Variants in ARHGEF7 observed in about 807,000 individuals in gnomAD.
ARHGEF7 encodes PAK-interacting exchange factor beta.
In ARHGEF7, 33 loss-of-function variants were observed where a neutral mutation model predicts 109.8. That is an observed-to-expected ratio of 0.30 (90% CI 0.23 to 0.40). The LOEUF is 0.40. Ranked by LOEUF, ARHGEF7 falls within the 10% of genes least tolerant of loss-of-function variation. The pLI is 1.00. For synonymous variants in ARHGEF7, 458 were observed against 424.6 expected, an observed-to-expected ratio of 1.08 and a Z score of -0.97; for missense variants, 938 against 1,098.5, an observed-to-expected ratio of 0.85 and a Z score of 2.07.
chr13:111,154,108 C>T, intron 2 of ARHGEF7, 117 bp downstream of exon 2: 1 of 1,086,192 alleles, frequency 9.2e-7, no homozygotes, highest in Middle Eastern at 3.1e-4. Flanking sequence ...CCGACCCTCC[C>T]CGGCTGCTCG....
At chr13:111,223,596 A>T (rs1006391774) in intron 5 of ARHGEF7, among the ~76,000 whole-genome samples, 1 of 152,014 alleles carries the variant, frequency 6.6e-6, no homozygotes, top group Non-Finnish European at 1.5e-5. Flanking sequence ...TCGGAGATGG[A>T]ATTGTTCTTG....
At chr13:111,191,764 G>A (rs910839813) in intron 2 of ARHGEF7, among the ~76,000 whole-genome samples, 1 of 151,930 alleles carries the variant, frequency 6.6e-6, no homozygotes, top group African/African-American at 2.4e-5. Flanking sequence ...AGAGTAAATA[G>A]GAAGGTAAAG....
intron 2 of ARHGEF7, among the ~76,000 whole-genome samples, chr13:111,160,974 T>G (rs569169971): frequency 2.0e-5 from 3 of 152,330 alleles, no homozygotes; most frequent in Non-Finnish European, 2.9e-5. Flanking sequence ...CTAATGTACA[T>G]GCCAAACCTG....
rs143089773 is a variant in ARHGEF7 at position 111,134,036 on chromosome 13, T to C, written c.165+18345T>C. Among the ~76,000 whole-genome samples the C allele has an allele frequency of 2.7e-3, 395 of 148,572 alleles. 1 individual carries two copies. Among genetic ancestry groups the C allele is most frequent in the African/African-American group, 9.2e-3 (373 of 40,478 alleles). On this transcript the variant is annotated intron_variant, in intron 1 of 21. Transcript: ENST00000646102. ...TCTCATTGTTCAGTGAGTGAGAACA[T>C]GCGGTGTTTGGTTTTTTGTCCTTGC...
chr13:111,301,849 G>A (rs970216049), intron 21 of ARHGEF7, among the ~76,000 whole-genome samples: 3 of 152,134 alleles, frequency 2.0e-5, no homozygotes, highest in African/African-American at 7.2e-5. Context: ...CCGAGATTGT[G>A]CCACTGCACT....
At chr13:111,193,750 A>G (rs2080174014) in intron 2 of ARHGEF7, among the ~76,000 whole-genome samples, 1 of 152,204 alleles carries the variant, frequency 6.6e-6, no homozygotes, top group African/African-American at 2.4e-5. Flanking sequence ...ATTGTCCACC[A>G]ATGAACTTCC....
At chr13:111,197,740 C>T (rs1216606686) in intron 2 of ARHGEF7, among the ~76,000 whole-genome samples, 3 of 152,136 alleles carry the variant, frequency 2.0e-5, no homozygotes, top group African/African-American at 7.2e-5. Flanking sequence ...GATAGTACCC[C>T]CTATGACAGG....
At chr13:111,198,370 C>T (rs756163216) in intron 2 of ARHGEF7, among the ~76,000 whole-genome samples, 19 of 152,190 alleles carry the variant, frequency 1.2e-4, no homozygotes, top group African/African-American at 2.9e-4. Flanking sequence ...TTCTTGGTCT[C>T]GCTGACTTCA....
chr13:111,284,131 G>A (rs1411023107), intron 16 of ARHGEF7, among the ~76,000 whole-genome samples: 4 of 152,086 alleles, frequency 2.6e-5, no homozygotes, highest in South Asian at 2.1e-4. Flanking sequence ...GAGGAGTGGC[G>A]GTGAGAGTGT....
rs549643395 is a variant in ARHGEF7 at position 111,137,659 on chromosome 13, C to T, written c.166-16246C>T. ...AAATTTATCTGAAAAATTGGAATCCCATTTGTTTCTGTGCATAATTTTTTA... is the reference window on the plus strand; with the variant it reads ...AAATTTATCTGAAAAATTGGAATCCTATTTGTTTCTGTGCATAATTTTTTA... On this transcript the variant is annotated intron_variant, in intron 1 of 21. Transcript: ENST00000646102. Among the ~76,000 whole-genome samples the T allele has an allele frequency of 2.6e-5, 4 of 152,148 alleles. No homozygotes were observed. In the South Asian group the frequency reaches 8.3e-4, roughly 32 times the overall value.
chr13:111,158,537 ACTGTTTTT>A (rs2076515715), intron 2 of ARHGEF7, among the ~76,000 whole-genome samples: 1 of 152,170 alleles, frequency 6.6e-6, no homozygotes, highest in Non-Finnish European at 1.5e-5. Context: ...CATTTATTTA[ACTGTTTTT>A]CTGGAAAAGT....
At chr13:111,203,816 T>C (rs966878068) in intron 2 of ARHGEF7, among the ~76,000 whole-genome samples, 1 of 152,236 alleles carries the variant, frequency 6.6e-6, no homozygotes. Flanking sequence ...ACAGCAGGAC[T>C]TTTTCACATT....
intron 1 of ARHGEF7, among the ~76,000 whole-genome samples, chr13:111,119,522 G>A (rs1040350760): frequency 2.0e-5 from 3 of 152,218 alleles, no homozygotes; most frequent in African/African-American, 7.2e-5. Flanking sequence ...GAAGTCAAGA[G>A]TCGTAATGTC....
At chr13:111,261,256 CTG>C (rs1486882361) in intron 8 of ARHGEF7, among the ~76,000 whole-genome samples, 2 of 151,414 alleles carry the variant, frequency 1.3e-5, no homozygotes, top group African/African-American at 4.9e-5. Flanking sequence ...CACCTATAGA[CTG>C]GAAATAAAGG....
At chr13:111,118,401 A>G (rs1051506584) in intron 1 of ARHGEF7, among the ~76,000 whole-genome samples, 2 of 152,210 alleles carry the variant, frequency 1.3e-5, no homozygotes, top group African/African-American at 4.8e-5. Flanking sequence ...TAAACTTTAC[A>G]TGAACAGTTC....
intron 16 of ARHGEF7, 34 bp from the exon 17 acceptor site, chr13:111,286,113 G>A: frequency 6.5e-7 from 1 of 1,543,166 alleles, no homozygotes; most frequent in Non-Finnish European, 9.0e-7. Flanking sequence ...ATTGGCTTTA[G>A]AGTATGTTAG....
At chr13:111,296,468 T>A (rs549177772) in intron 19 of ARHGEF7, among the ~76,000 whole-genome samples, 31 of 152,302 alleles carry the variant, frequency 2.0e-4, no homozygotes, top group Non-Finnish European at 3.7e-4. Context: ...ACACCGAGCA[T>A]CTACAGGCAC....
intron 2 of ARHGEF7, among the ~76,000 whole-genome samples, chr13:111,177,828 G>GA: frequency 1.3e-5 from 2 of 148,766 alleles, no homozygotes; most frequent in Non-Finnish European, 3.0e-5. Context: ...AGATGGTGGG[G>GA]AAAAAAGTGT....
chr13:111,119,637 C>T (rs1363446515), intron 1 of ARHGEF7, among the ~76,000 whole-genome samples: 1 of 152,216 alleles, frequency 6.6e-6, no homozygotes, highest in Non-Finnish European at 1.5e-5. Flanking sequence ...ATATGGTTTG[C>T]ATTTCCCAAA....
Sources: allele counts gnomAD v4.1 joint callset (sites outside exome capture counted in the v4.1 genomes callset), GRCh38; gene constraint gnomAD v4.1.1; transcripts MANE v1.5; gene names NCBI Gene and HGNC (gene_info 2026-07-23, HGNC 2026-07-21).